Variants in GNAI2 observed in about 807,000 individuals in gnomAD.
GNAI2 encodes the protein guanine nucleotide-binding protein G(i) subunit alpha-2.
In GNAI2, 4 loss-of-function variants were observed where a neutral mutation model predicts 36.8. The observed-to-expected ratio is 0.11, with a 90% CI of 0.05 to 0.25. GNAI2 has a LOEUF of 0.25. Among genes scored for constraint, GNAI2 ranks in the 10% least tolerant of loss-of-function variants. The pLI is 1.00. For synonymous variants in GNAI2, 194 were observed against 194.1 expected (o/e 1.00, Z 0.01); for missense variants, 230 against 481.3 (o/e 0.48, Z 4.89).
At chr3:50,236,181 G>GC, upstream of GNAI2, 17 of 1,171,486 alleles carry the variant, frequency 1.5e-5, no homozygotes, top group Non-Finnish European at 1.8e-5. The surrounding 1 kb of genome is among the most constrained non-coding windows in gnomAD (Gnocchi z 4.0). Flanking sequence ...TCGGTGCGCG[G>GC]CGGTAGGGAA....
chr3:50,248,100 T>TG (rs1700464643), intron 1 of GNAI2, among the ~76,000 whole-genome samples: 1 of 152,216 alleles, frequency 6.6e-6, no homozygotes, highest in Non-Finnish European at 1.5e-5. Context: ...CCGGGCGTGG[T>TG]GGCACATGCC....
In GNAI2 at chr3:50,236,413, C is replaced by A. The variant is rs1479813405; in HGVS notation, c.78C>A (p.Asp26Glu). 2 of 1,578,362 alleles carry A rather than the reference C, an allele frequency of 1.3e-6. No homozygotes were observed. The highest frequency in any genetic ancestry group is 1.8e-5 in the Admixed American group (1 of 54,252). ...TGATCGACAAGAACCTGCGGGAGGA[C>A]GGAGAGAAGGCGGCGCGGGAGGTGA... Reference protein sequence around the residue: ...SKMIDKNLREDGEKAAREVKL... With the variant: ...SKMIDKNLREEGEKAAREVKL... Residue 26 changes from aspartate (D) to glutamate (E), a missense_variant, in exon 1 of 9, where the codon GAC becomes GAA. Transcript: ENST00000313601. The surrounding 1 kb of genome is among the most constrained non-coding windows in gnomAD (Gnocchi z 4.0).
chr3:50,233,908 T>C (rs1301975235), upstream of GNAI2, among the ~76,000 whole-genome samples: 2 of 149,452 alleles, frequency 1.3e-5, no homozygotes, highest in Non-Finnish European at 3.0e-5. Flanking sequence ...TTTTTTTTTT[T>C]TTTTTGAGAC....
intron 1 of GNAI2, among the ~76,000 whole-genome samples, chr3:50,249,131 C>T (rs1160319702): frequency 2.0e-5 from 3 of 152,174 alleles, no homozygotes; most frequent in African/African-American, 7.2e-5. Context: ...CTCAGGTCCC[C>T]CATGCCCTGG....
chr3:50,258,978 C>A lies in GNAI2; in HGVS notation c.*635C>A, dbSNP rs920323356. On this transcript the variant is annotated 3_prime_UTR_variant, in exon 9 of 9. Coordinates refer to ENST00000313601, the MANE Select transcript of GNAI2 (RefSeq NM_002070.4). ...TGTCAGATCCTGACCAGCAAGCCCCCCCCCAGCCCCCCTTCCAAGTGACTC... is the reference window on the plus strand; with the variant it reads ...TGTCAGATCCTGACCAGCAAGCCCCACCCCAGCCCCCCTTCCAAGTGACTC... 15 of 446,944 alleles carry A rather than the reference C, an allele frequency of 3.4e-5. No individual in the cohort carries two copies. Among genetic ancestry groups the A allele is most frequent in the Non-Finnish European group, 6.2e-5 (14 of 224,524 alleles). The allele number at this position is 446,944 out of a possible 1,614,324, so 27.7% of individuals were successfully genotyped here.
At position 50,259,241 on chromosome 3, in the gene GNAI2, T is replaced by A. The variant is rs1220807163; in HGVS notation, c.*898T>A. On this transcript the variant is annotated 3_prime_UTR_variant, in exon 9 of 9. Coordinates refer to ENST00000313601, the MANE Select transcript of GNAI2 (RefSeq NM_002070.4). ...GCCTGCTGGGGGGCCACGCCCCTCA[T>A]GCCCTTGTCCCAGGCCCGGGGCCTT... is the stretch of plus-strand genomic sequence containing the variant. 4.9e-6 allele frequency: 1 copy of A among 202,690 alleles called. No individual in the cohort carries two copies. Among genetic ancestry groups the A allele is most frequent in the East Asian group, 1.4e-4 (1 of 7,086 alleles). 12.6% of individuals were successfully genotyped at this position (202,690 alleles called of 1,614,324 possible).
upstream of GNAI2, among the ~76,000 whole-genome samples, chr3:50,232,731 T>C (rs187743533): frequency 2.6e-3 from 393 of 152,122 alleles, 1 homozygote; most frequent in Non-Finnish European, 4.7e-3. Flanking sequence ...ATGTGGAGGA[T>C]AAATTGTAGG....
At chr3:50,230,864 A>G (rs1461129728) in exon 1 of GNAI2, 2 of 985,540 alleles carry the variant, frequency 2.0e-6, no homozygotes, top group Non-Finnish European at 2.4e-6. Context: ...TCTGCCCCCA[A>G]AATGAACTCT....
chr3:50,234,153 G>A (rs1443779735), upstream of GNAI2, among the ~76,000 whole-genome samples: 1 of 143,884 alleles, frequency 7.0e-6, no homozygotes, highest in African/African-American at 2.6e-5. Flanking sequence ...TGCAAGCTCC[G>A]CCTCCTGGGT....
chr3:50,232,785 G>A (rs1700091529), upstream of GNAI2, among the ~76,000 whole-genome samples: 1 of 152,080 alleles, frequency 6.6e-6, no homozygotes, highest in Non-Finnish European at 1.5e-5. Flanking sequence ...TAGGCTGGGA[G>A]ATAGTGGGGA....
upstream of GNAI2, among the ~76,000 whole-genome samples, chr3:50,235,584 T>G (rs1700144540): frequency 6.6e-6 from 1 of 152,128 alleles, no homozygotes; most frequent in Admixed American, 6.6e-5. Context: ...CCTCCTAAAG[T>G]GCTGGGATTA....
intron 1 of GNAI2, among the ~76,000 whole-genome samples, chr3:50,237,531 C>T (rs1367800996): frequency 6.6e-6 from 1 of 152,040 alleles, no homozygotes; most frequent in South Asian, 2.1e-4. Context: ...GGCTGCAAGG[C>T]CTGGGATGTA....
At chr3:50,257,799 G>A in intron 8 of GNAI2, 85 bp downstream of exon 8, 1 of 593,858 alleles carries the variant, frequency 1.7e-6, no homozygotes, top group East Asian at 3.6e-5. Flanking sequence ...GGTGGGTAGG[G>A]GGGTGAACCT....
rs1700793382 is a variant in GNAI2 at position 50,259,183 on chromosome 3, T to C, written c.*840T>C. The C allele has an allele frequency of 3.2e-6, 1 of 308,586 alleles. No individual in the cohort carries two copies. Among genetic ancestry groups the C allele is most frequent in the Admixed American group, 4.6e-5 (1 of 21,974 alleles). The allele number at this position is 308,586 out of a possible 1,614,324, so 19.1% of individuals were successfully genotyped here. On this transcript the variant is annotated 3_prime_UTR_variant, in exon 9 of 9. Transcript: ENST00000313601. The stretch of plus-strand genomic sequence containing the variant: ...CCCCAGGCTCTATTAACCTAAAATG[T>C]AGCTCCCTAGCGCTAACCTAGGAAC...
chr3:50,253,075 G>T lies in GNAI2; in HGVS notation c.355G>T (p.Val119Leu), dbSNP rs150943193. ...GTCCTGCACCGCCGAGGAGCAAGGC[G>T]TGCTCCCTGATGACCTGTCCGGCGT... ...ALSCTAEEQG[V>L]LPDDLSGVIR... The change falls in exon 4 of 9, where the codon GTG (valine) becomes TTG (leucine). Residue 119 changes from valine to leucine, a missense_variant. By Grantham distance (32) the Val-to-Leu change is conservative (BLOSUM62 1). Around this residue, in one of 4 missense-constraint regions of GNAI2, gnomAD observed 132 missense variants for 247.4 expected, o/e 0.53. Transcript: ENST00000313601. This position sits in a 1 kb window ranked among gnomAD's most constrained non-coding sequence, Gnocchi z 4.2. The T allele has an allele frequency of 1.2e-6, 2 of 1,612,144 alleles. No homozygotes were observed. The highest frequency in any genetic ancestry group is 1.3e-5 in the African/African-American group (1 of 74,898).
At chr3:50,244,009 G>C (rs2109194063) in intron 1 of GNAI2, among the ~76,000 whole-genome samples, 1 of 151,814 alleles carries the variant, frequency 6.6e-6, no homozygotes, top group East Asian at 2.0e-4. Flanking sequence ...GTGGTCATGG[G>C]GGACCCCCTC....
At chr3:50,227,657 C>A (rs978089478), upstream of GNAI2, among the ~76,000 whole-genome samples, 1 of 152,230 alleles carries the variant, frequency 6.6e-6, no homozygotes, top group Non-Finnish European at 1.5e-5. This position sits in a 1 kb window ranked among gnomAD's most constrained non-coding sequence, Gnocchi z 5.9. Flanking sequence ...GGGAGGACGC[C>A]TTGGGCGGGG....
chr3:50,250,873 A>C (rs782156003), intron 1 of GNAI2, among the ~76,000 whole-genome samples: 3 of 150,860 alleles, frequency 2.0e-5, no homozygotes, highest in Non-Finnish European at 4.4e-5. Flanking sequence ...GCAATGGCAC[A>C]ATCTCGGCTC....
At chr3:50,251,917 G>A in intron 1 of GNAI2, 183 bp from the exon 2 acceptor site, 2 of 908,520 alleles carry the variant, frequency 2.2e-6, no homozygotes, top group South Asian at 1.7e-5. Flanking sequence ...CTTGACCACT[G>A]TGGCCCTGCC....
Sources: allele counts gnomAD v4.1 joint callset (sites outside exome capture counted in the v4.1 genomes callset), GRCh38; gene constraint gnomAD v4.1.1; regional missense constraint gnomAD v4.1.1; non-coding constraint Gnocchi (gnomAD v3.1); transcripts MANE v1.5; gene names NCBI Gene and HGNC (gene_info 2026-07-23, HGNC 2026-07-21).